The following CNNM2 variants were observed in gnomAD, a reference collection of about 807,000 sequenced individuals.
CNNM2 encodes the protein metal transporter CNNM2.
In CNNM2, 12 loss-of-function variants were observed where a neutral mutation model predicts 66.9. That is an observed-to-expected ratio of 0.18 (90% CI 0.11 to 0.29). CNNM2 has a LOEUF of 0.29. Ranked by LOEUF, CNNM2 falls within the 10% of genes least tolerant of loss-of-function variation. The pLI is 1.00. For synonymous variants in CNNM2, 557 were observed against 501.8 expected (o/e 1.11, Z -1.47); for missense variants, 705 against 1,167.7 (o/e 0.60, Z 5.77).
chr10:103,033,524 T>A (rs988536406), intron 1 of CNNM2, among the ~76,000 whole-genome samples: 1 of 151,532 alleles, frequency 6.6e-6, no homozygotes, highest in Non-Finnish European at 1.5e-5. Context: ...AAGCTTCTGG[T>A]GAAGAAAAAA....
intron 1 of CNNM2, among the ~76,000 whole-genome samples, chr10:102,971,416 A>G (rs2063545687): frequency 6.6e-6 from 1 of 152,098 alleles, no homozygotes; most frequent in African/African-American, 2.4e-5. Context: ...TGGTTTTTTT[A>G]AGTGCCCATT....
rs1354023351 is a variant in CNNM2 at position 103,081,607 on chromosome 10, G to C, written c.*4427G>C. The C allele has an allele frequency of 1.3e-5, 2 of 152,192 alleles. No homozygotes were observed. Among genetic ancestry groups the C allele is most frequent in the Non-Finnish European group, 2.9e-5 (2 of 68,052 alleles). The allele number at this position is 152,192 out of a possible 1,614,324, so 9.4% of individuals were successfully genotyped here. On this transcript the variant is annotated 3_prime_UTR_variant, in exon 8 of 8. Transcript: ENST00000369878. ...AGACGTTCAGAGACTTCTAAGTTGA[G>C]GTTCATTTGCCTCCGTTTGAGGGGT...
intron 1 of CNNM2, among the ~76,000 whole-genome samples, chr10:103,004,844 T>C (rs949932072): frequency 2.0e-5 from 3 of 152,244 alleles, no homozygotes; most frequent in Admixed American, 6.5e-5. Context: ...TTATAATTGG[T>C]ATCAGTTTCC....
chr10:103,044,017 A>G (rs1186237571), intron 1 of CNNM2, among the ~76,000 whole-genome samples: 1 of 152,178 alleles, frequency 6.6e-6, no homozygotes, highest in Non-Finnish European at 1.5e-5. Context: ...ACAACAATTT[A>G]TGCTTTATTT....
chr10:103,071,639 A>C, intron 5 of CNNM2, 135 bp from the exon 6 acceptor site: 1 of 783,322 alleles, frequency 1.3e-6, no homozygotes, highest in Non-Finnish European at 2.3e-6. Flanking sequence ...CTATAATACC[A>C]TACCGACTTG....
chr10:102,931,602 C>T (rs1392560733), intron 1 of CNNM2, among the ~76,000 whole-genome samples: 1 of 152,096 alleles, frequency 6.6e-6, no homozygotes, highest in Non-Finnish European at 1.5e-5. Flanking sequence ...GGTGATCCAT[C>T]CGCCTTGGCC....
intron 6 of CNNM2, among the ~76,000 whole-genome samples, chr10:103,074,125 T>C (rs1291607946): frequency 6.6e-6 from 1 of 151,654 alleles, no homozygotes; most frequent in East Asian, 2.0e-4. Flanking sequence ...CCGTCTCTAC[T>C]AAAAATACAA....
intron 1 of CNNM2, among the ~76,000 whole-genome samples, chr10:103,019,561 G>A (rs570658864): frequency 6.6e-6 from 1 of 152,252 alleles, no homozygotes; most frequent in South Asian, 2.1e-4. Context: ...GCCTTTGGGT[G>A]TGCTAATGCA....
chr10:102,955,895 G>A (rs537316790), intron 1 of CNNM2, among the ~76,000 whole-genome samples: 15 of 152,324 alleles, frequency 9.8e-5, no homozygotes, highest in East Asian at 3.9e-4. Context: ...GTTGGCTCAC[G>A]CCTGTAATCC....
At chr10:102,959,689 G>C (rs1460005429) in intron 1 of CNNM2, among the ~76,000 whole-genome samples, 1 of 152,188 alleles carries the variant, frequency 6.6e-6, no homozygotes, top group African/African-American at 2.4e-5. Flanking sequence ...GAATCCTCCT[G>C]CAGTGGCTTC....
intron 1 of CNNM2, among the ~76,000 whole-genome samples, chr10:102,931,509 C>T (rs1554889104): frequency 6.6e-6 from 1 of 152,054 alleles, no homozygotes. Flanking sequence ...AGGCACGCAC[C>T]ACCACGGCCG....
chr10:103,067,728 C>G (rs2065504756), intron 4 of CNNM2, among the ~76,000 whole-genome samples: 1 of 152,228 alleles, frequency 6.6e-6, no homozygotes, highest in East Asian at 1.9e-4. Context: ...ATAAGACACT[C>G]TATCCCAAAA....
intron 1 of CNNM2, among the ~76,000 whole-genome samples, chr10:102,986,543 G>A (rs2063800256): frequency 6.6e-6 from 1 of 152,108 alleles, no homozygotes; most frequent in Admixed American, 6.6e-5. Flanking sequence ...AGTACTTTGG[G>A]AGGCCGAGGT....
chr10:102,935,140 CAG>C (rs1014460030), intron 1 of CNNM2, among the ~76,000 whole-genome samples: 22 of 121,250 alleles, frequency 1.8e-4, no homozygotes, highest in African/African-American at 7.1e-4. Flanking sequence ...GCCTGGGCGA[CAG>C]AGCGAGACTC....
intron 1 of CNNM2, among the ~76,000 whole-genome samples, chr10:103,025,975 G>A (rs756601918): frequency 3.4e-4 from 52 of 152,200 alleles, no homozygotes; most frequent in Non-Finnish European, 5.4e-4. Context: ...CAGGTTCCTC[G>A]TGAATGGATT....
chr10:102,948,899 A>T lies in CNNM2; in HGVS notation c.1621+28798A>T, dbSNP rs576977362. On this transcript the variant is annotated intron_variant, in intron 1 of 7. Coordinates refer to ENST00000369878, the MANE Select transcript of CNNM2 (RefSeq NM_017649.5). The stretch of plus-strand genomic sequence containing the variant: ...AATGATAGAGAGAGAGAGGCAAAAT[A>T]TAGATATTATCTTCATAACCGGGGC... Among the ~76,000 whole-genome samples, 7 of 152,266 alleles carry T rather than the reference A, an allele frequency of 4.6e-5. 1 individual carries two copies. Among genetic ancestry groups the T allele is most frequent in the African/African-American group, 1.7e-4 (7 of 41,548 alleles).
intron 1 of CNNM2, among the ~76,000 whole-genome samples, chr10:103,003,102 T>C (rs556672001): frequency 7.1e-6 from 1 of 141,232 alleles, no homozygotes; most frequent in East Asian, 2.1e-4. Flanking sequence ...ATACATGCTA[T>C]AACATGTGTG....
At chr10:102,995,928 G>A (rs2063991386) in intron 1 of CNNM2, among the ~76,000 whole-genome samples, 2 of 152,056 alleles carry the variant, frequency 1.3e-5, no homozygotes, top group South Asian at 2.1e-4. Flanking sequence ...TCAAACTCCC[G>A]ACCTCAGGTG....
chr10:102,964,741 A>C (rs1187550764), intron 1 of CNNM2, among the ~76,000 whole-genome samples: 2 of 152,086 alleles, frequency 1.3e-5, no homozygotes, highest in Non-Finnish European at 2.9e-5. Context: ...TCTCATCTTT[A>C]AAACACCTCC....
Sources: allele counts gnomAD v4.1 joint callset (sites outside exome capture counted in the v4.1 genomes callset), GRCh38; gene constraint gnomAD v4.1.1; transcripts MANE v1.5; gene names NCBI Gene and HGNC (gene_info 2026-07-23, HGNC 2026-07-21).